The following COL1A1 variants were observed in gnomAD, a reference collection of about 807,000 sequenced individuals.
COL1A1 encodes collagen alpha-1(I) chain.
Under a neutral mutation model 195.7 loss-of-function variants are expected in COL1A1, and 21 were observed. That is an observed-to-expected ratio of 0.11 (90% CI 0.08 to 0.15). The LOEUF (loss-of-function observed/expected upper bound fraction) is 0.15, where lower values mean the gene tolerates loss of function less well. Among genes scored for constraint, COL1A1 ranks in the 10% least tolerant of loss-of-function variants. The pLI, the probability that COL1A1 is intolerant of heterozygous loss-of-function variation, is 1.00. For missense variants in COL1A1, 1,365 were observed against 2,051.0 expected (o/e 0.67, Z 6.46); for synonymous variants, 749 against 747.3 (o/e 1.00, Z -0.04).
In COL1A1 at chr17:50,186,767, G is replaced by C; in HGVS notation, c.3687C>G (p.Leu1229=). The change falls in exon 48 of 51, where the codon CTC becomes CTG. Residue 1229 remains leucine (L), a synonymous_variant. Transcript: ENST00000225964. This position sits in a 1 kb window ranked among gnomAD's most constrained non-coding sequence, Gnocchi z 5.3. ...DDANVVRDRD[L]EVDTTLKSLS... ...GGCTCTTGAGGGTGGTGTCCACCTC[G>C]AGGTCACGGTCACGAACCACATTGG... The C allele has an allele frequency of 6.2e-7, 1 of 1,614,028 alleles. No individual in the cohort carries two copies. Among genetic ancestry groups the C allele is most frequent in the Non-Finnish European group, 8.5e-7 (1 of 1,180,030 alleles).
In COL1A1 at chr17:50,195,806, G is replaced by T; in HGVS notation, c.1056+117C>A. The T allele has an allele frequency of 7.4e-7, 1 of 1,359,574 alleles. No individual in the cohort carries two copies. The highest frequency in any genetic ancestry group is 1.0e-6 in the Non-Finnish European group (1 of 972,462). 84.2% of individuals were successfully genotyped at this position (1,359,574 alleles called of 1,614,324 possible). A position where few individuals can be genotyped will look rare whatever the true frequency, so the allele number is the denominator to read the frequency against. The stretch of plus-strand genomic sequence containing the variant: ...TCAGAGACGGAGAACCCAGGACAAA[G>T]GTGTTAGTGAACGGGCTGCTCTCTT... On this transcript the variant is annotated intron_variant, in intron 16 of 50. Coordinates refer to ENST00000225964, the MANE Select transcript of COL1A1 (RefSeq NM_000088.4). This position sits in a 1 kb window ranked among gnomAD's most constrained non-coding sequence, Gnocchi z 4.3.
chr17:50,199,688 C>T (rs951343493), intron 2 of COL1A1, 65 bp downstream of exon 2: 6 of 1,584,916 alleles, frequency 3.8e-6, no homozygotes, highest in Non-Finnish European at 5.1e-6. Flanking sequence ...CGCCGACCAC[C>T]CCCAGCCCCA....
At chr17:50,196,277 G>C (rs540226290) in intron 14 of COL1A1, 37 bp downstream of exon 14, 4 of 1,608,964 alleles carry the variant, frequency 2.5e-6, no homozygotes, top group Non-Finnish European at 3.4e-6. Flanking sequence ...GCCCCTTCCA[G>C]AGCTCAGGGA....
rs1431543092 is a variant in COL1A1, at chr17:50,188,530, A to G, written c.3207T>C (p.Thr1069=). 6.2e-7 allele frequency: 1 copy of G among 1,613,908 alleles called. No homozygotes were observed. Among genetic ancestry groups the G allele is most frequent in the Non-Finnish European group, 8.5e-7 (1 of 1,179,904 alleles). The change falls in exon 43 of 51, where the codon ACT becomes ACC. Residue 1069 remains threonine (T), a splice_region_variant and synonymous_variant. Coordinates refer to ENST00000225964, the MANE Select transcript of COL1A1 (RefSeq NM_000088.4). This position sits in a 1 kb window ranked among gnomAD's most constrained non-coding sequence, Gnocchi z 5.6. ...PAGKSGDRGE[T]GPAGPAGPVG... Reference sequence around the variant, plus strand: ...AGGGAACTGGAGCCCAGCTACTTACAGTCTCACCACGATCACCACTCTTGC... The same window carrying G: ...AGGGAACTGGAGCCCAGCTACTTACGGTCTCACCACGATCACCACTCTTGC...
At position 50,193,971 on chromosome 17, in the gene COL1A1, A is replaced by C. The variant is rs760272297; in HGVS notation, c.1739T>G (p.Met580Arg). 1 of 1,614,132 alleles carries C rather than the reference A, an allele frequency of 6.2e-7. No homozygotes were observed. Among genetic ancestry groups the C allele is most frequent in the Non-Finnish European group, 8.5e-7 (1 of 1,180,032 alleles). ...AGCACCTTTAGGTCCAGGGAATCCC[A>C]TCACACCAGCCTGACCACGGGCACC... ...PPGARGQAGV[M>R]GFPGPKGAAG... The change falls in exon 25 of 51, where the codon ATG (methionine) becomes AGG (arginine). Residue 580 changes from methionine (M) to arginine (R), a missense_variant. Coordinates refer to ENST00000225964, the MANE Select transcript of COL1A1 (RefSeq NM_000088.4).
rs1906850297 is a variant in COL1A1 at position 50,189,250 on chromosome 17, T to C, written c.2855A>G (p.Gln952Arg). The change falls in exon 40 of 51, where the codon CAA becomes CGA. Residue 952 changes from glutamine to arginine, a missense_variant. Gln to Arg is a conservative substitution (Grantham distance 43). Around this residue, in one of 5 missense-constraint regions of COL1A1, gnomAD observed 671 missense variants for 1,099.9 expected, o/e 0.61. Transcript: ENST00000225964. The surrounding 1 kb of genome is among the most constrained non-coding windows in gnomAD (Gnocchi z 5.5). ...PAGAPGTPGP[Q>R]GIAGQRGVVG... ...CACACCACGCTGTCCAGCAATACCT[T>C]GAGGCCCGGGAGTACCAGGAGCACC... The C allele has an allele frequency of 1.2e-6, 2 of 1,613,660 alleles. No individual in the cohort carries two copies. The highest frequency in any genetic ancestry group is 1.7e-6 in the Non-Finnish European group (2 of 1,179,896).
At position 50,195,116 on chromosome 17, in the gene COL1A1, AG is replaced by A; in HGVS notation, c.1300-17del. The A allele has an allele frequency of 4.3e-6, 7 of 1,613,392 alleles. No individual in the cohort carries two copies. Among genetic ancestry groups the A allele is most frequent in the Non-Finnish European group, 5.9e-6 (7 of 1,179,686 alleles). On this transcript the variant is annotated splice_polypyrimidine_tract_variant and intron_variant, in intron 19 of 50. Coordinates refer to ENST00000225964, the MANE Select transcript of COL1A1 (RefSeq NM_000088.4). This position sits in a 1 kb window ranked among gnomAD's most constrained non-coding sequence, Gnocchi z 4.3. ...CAGGTTCACCCTGCAAGGGGGGAGA[AG>A]AGGATGAGCTGAGAGTCGGGGGCGC...
Position 50,186,569 on chromosome 17 carries a change from G to C in COL1A1, c.3815-62C>G. On this transcript the variant is annotated intron_variant, in intron 48 of 50. Coordinates refer to ENST00000225964, the MANE Select transcript of COL1A1 (RefSeq NM_000088.4). This position sits in a 1 kb window ranked among gnomAD's most constrained non-coding sequence, Gnocchi z 5.3. ...GGAGCAGCCAGCACCATATGGTAGGGGCACATATGGGCATGGGGACCCTGG... is the reference window on the plus strand; with the variant it reads ...GGAGCAGCCAGCACCATATGGTAGGCGCACATATGGGCATGGGGACCCTGG... The C allele has an allele frequency of 6.2e-7, 1 of 1,612,022 alleles. No homozygotes were observed.
rs1406185851 is a variant in COL1A1 at position 50,194,071 on chromosome 17, G to A, written c.1669-30C>T. On this transcript the variant is annotated intron_variant, in intron 24 of 50. Coordinates refer to ENST00000225964, the MANE Select transcript of COL1A1 (RefSeq NM_000088.4). This position sits in a 1 kb window ranked among gnomAD's most constrained non-coding sequence, Gnocchi z 6.8. ...GGATGGGAGGCACGAAAGCAGCAGT[G>A]AGGACAGCAGGGAGGCAGACAGGAC... The A allele has an allele frequency of 1.2e-6, 2 of 1,611,134 alleles. No individual in the cohort carries two copies. Among genetic ancestry groups the A allele is most frequent in the Admixed American group, 3.3e-5 (2 of 59,998 alleles).
At chr17:50,193,703 A>G in intron 25 of COL1A1, 1 of 518,190 alleles carries the variant, frequency 1.9e-6, no homozygotes, top group South Asian at 2.0e-5. Context: ...GACTGGTCTC[A>G]AACTCCTGAC....
chr17:50,191,863 C>G lies in COL1A1; in HGVS notation c.2052G>C (p.Glu684Asp), dbSNP rs1347373039. 6.2e-7 allele frequency: 1 copy of G among 1,602,800 alleles called. No individual in the cohort carries two copies. Among genetic ancestry groups the G allele is most frequent in the African/African-American group, 1.3e-5 (1 of 74,738 alleles). The stretch of plus-strand genomic sequence containing the variant: ...GACCAGGGGGACCTTGCACACCACG[C>G]TCGCCAGGGAAACCTCTCTCGCCCT... The part of the protein sequence containing the change: ...GARGERGFPG[E>D]RGVQGPPGPA... The change falls in exon 31 of 51, where the codon GAG becomes GAC. Residue 684 changes from glutamate (E) to aspartate (D), a missense_variant. This residue lies in a region of COL1A1 where 671 missense variants were observed against 1,099.9 expected (regional missense o/e 0.61). Coordinates refer to ENST00000225964, the MANE Select transcript of COL1A1 (RefSeq NM_000088.4).
intron 29 of COL1A1, 89 bp downstream of exon 29, chr17:50,192,386 T>C: frequency 7.0e-7 from 1 of 1,424,594 alleles, no homozygotes; most frequent in Non-Finnish European, 9.7e-7. Flanking sequence ...ATCCCTCTAG[T>C]TGATGGCTGT....
chr17:50,186,145 C>T lies in COL1A1; in HGVS notation c.4006-125G>A, dbSNP rs1262279634. 24 of 1,530,334 alleles carry T rather than the reference C, an allele frequency of 1.6e-5. No individual in the cohort carries two copies. Among genetic ancestry groups the T allele is most frequent in the Admixed American group, 9.1e-5 (5 of 55,020 alleles). 94.8% of individuals were successfully genotyped at this position (1,530,334 alleles called of 1,614,324 possible). Reference sequence around the variant, plus strand: ...ACCGTTATATCGAGAGGAGGCACCACCTGCCCATCGGCAGCCTGTGTCTGA... The same window carrying T: ...ACCGTTATATCGAGAGGAGGCACCATCTGCCCATCGGCAGCCTGTGTCTGA... On this transcript the variant is annotated intron_variant, in intron 49 of 50. Coordinates refer to ENST00000225964, the MANE Select transcript of COL1A1 (RefSeq NM_000088.4). This position sits in a 1 kb window ranked among gnomAD's most constrained non-coding sequence, Gnocchi z 5.3.
At chr17:50,197,655 T>C in intron 9 of COL1A1, 77 bp downstream of exon 9, 1 of 1,172,334 alleles carries the variant, frequency 8.5e-7, no homozygotes, top group African/African-American at 1.5e-5. Flanking sequence ...TTCCCAAATG[T>C]GGTGGAGTGG....
At position 50,195,352 on chromosome 17, in the gene COL1A1, G is replaced by A. The variant is rs41317359; in HGVS notation, c.1201-22C>T. On this transcript the variant is annotated intron_variant, in intron 18 of 50. Transcript: ENST00000225964. This position sits in a 1 kb window ranked among gnomAD's most constrained non-coding sequence, Gnocchi z 4.3. ...CACCCTGTGGGAGGCAGACAGCCAG[G>A]GCGTGAGCCTAGGAGCAGAGGGAAA... 2.5e-4 allele frequency: 405 copies of A among 1,613,834 alleles called. 5 individuals are homozygous for A. The East Asian group carries it at 7.4e-3, about 30-fold the overall frequency.
chr17:50,194,085 G>A lies in COL1A1; in HGVS notation c.1669-44C>T, dbSNP rs764973574. ...AAAGCAGCAGTGAGGACAGCAGGGA[G>A]GCAGACAGGACAATGGCAGGGGGTT... On this transcript the variant is annotated intron_variant, in intron 24 of 50. Transcript: ENST00000225964. The surrounding 1 kb of genome is among the most constrained non-coding windows in gnomAD (Gnocchi z 6.8). The A allele has an allele frequency of 5.0e-6, 8 of 1,610,556 alleles. No homozygotes were observed. In the African/African-American group the frequency reaches 1.1e-4, roughly 22 times the overall value.
Position 50,196,481 on chromosome 17 carries a change from C to T in COL1A1, c.903+3G>A, listed in dbSNP as rs748604968. ...CCTGCCCTCTGGAACTGGGCACACT[C>T]ACCATCTGACCAGGAGCTCCATTTT... On this transcript the variant is annotated splice_donor_region_variant and intron_variant, in intron 13 of 50. Coordinates refer to ENST00000225964, the MANE Select transcript of COL1A1 (RefSeq NM_000088.4). 10 of 1,614,234 alleles carry T rather than the reference C, an allele frequency of 6.2e-6. No homozygotes were observed. The highest frequency in any genetic ancestry group is 2.2e-5 in the South Asian group (2 of 91,078).
Position 50,196,532 on chromosome 17 carries a change from T to C in COL1A1, c.859-4A>G, listed in dbSNP as rs1907606442. On this transcript the variant is annotated splice_polypyrimidine_tract_variant and splice_region_variant and intron_variant, in intron 12 of 50. Transcript: ENST00000225964. The stretch of plus-strand genomic sequence containing the variant: ...CACCAGGGCTGCCAGGCTCACCCTG[T>C]AGATCAGAGAATAATGAGTGAGAAA... 1.9e-6 allele frequency: 3 copies of C among 1,614,162 alleles called. No individual in the cohort carries two copies. Among genetic ancestry groups the C allele is most frequent in the Non-Finnish European group, 2.5e-6 (3 of 1,180,010 alleles).
At chr17:50,191,040 TG>T in intron 32 of COL1A1, 116 bp from the exon 33 acceptor site, 1 of 978,168 alleles carries the variant, frequency 1.0e-6, no homozygotes, top group Non-Finnish European at 1.6e-6. Context: ...TGCCTCCACC[TG>T]GGCCAAGGAC....
Sources: gnomAD v4.1 joint callset for allele counts on GRCh38, gnomAD v4.1.1 for gene constraint, gnomAD v4.1.1 regional missense constraint, Gnocchi (gnomAD v3.1) non-coding constraint, MANE v1.5 for transcripts, NCBI Gene and HGNC (gene_info 2026-07-23, HGNC 2026-07-21) for gene names.